CSMD3: variants seen among roughly 807,000 people sequenced by gnomAD.
CSMD3 encodes the protein CUB and sushi domain-containing protein 3.
In CSMD3, 177 loss-of-function variants were observed where a neutral mutation model predicts 435.2. The ratio of observed to expected loss-of-function variants is 0.41; its 90% CI spans 0.36 to 0.46. The LOEUF (loss-of-function observed/expected upper bound fraction) is 0.46. Ranked by LOEUF, CSMD3 falls within the 20% of genes least tolerant of loss-of-function variation. The pLI is 0.34. For synonymous variants in CSMD3, 1,656 were observed against 1,520.5 expected, an observed-to-expected ratio of 1.09 and a Z score of -2.07; for missense variants, 4,265 against 4,504.6, an observed-to-expected ratio of 0.95 and a Z score of 1.52.
chr8:112,712,879 T>A (rs998705537), intron 13 of CSMD3, among the ~76,000 whole-genome samples: 12 of 152,028 alleles, frequency 7.9e-5, no homozygotes, highest in African/African-American at 2.7e-4. Flanking sequence ...CAGACTTCCT[T>A]CAGGACACCC....
chr8:113,183,547 T>C (rs967358098), intron 3 of CSMD3, among the ~76,000 whole-genome samples: 1 of 152,074 alleles, frequency 6.6e-6, no homozygotes, highest in East Asian at 2.0e-4. Flanking sequence ...CTGCCTTCCA[T>C]CCTTAGACTA....
intron 30 of CSMD3, among the ~76,000 whole-genome samples, chr8:112,495,199 T>G (rs1821217221): frequency 1.3e-5 from 2 of 152,352 alleles, no homozygotes; most frequent in South Asian, 4.1e-4. Flanking sequence ...CGCAATGTAA[T>G]TTTTAGACAG....
At chr8:112,512,197 G>A (rs1005834124) in intron 28 of CSMD3, among the ~76,000 whole-genome samples, 4 of 152,128 alleles carry the variant, frequency 2.6e-5, no homozygotes, top group Admixed American at 6.5e-5. Context: ...ATCTAAAATT[G>A]TAAATTCTTT....
At chr8:113,414,571 T>G (rs1261291620) in intron 1 of CSMD3, among the ~76,000 whole-genome samples, 2 of 150,876 alleles carry the variant, frequency 1.3e-5, no homozygotes, top group African/African-American at 4.9e-5. Context: ...GTAATAAAAT[T>G]GAAATACTTA....
chr8:112,866,500 T>C (rs1447923113), intron 10 of CSMD3, among the ~76,000 whole-genome samples: 1 of 152,174 alleles, frequency 6.6e-6, no homozygotes, highest in African/African-American at 2.4e-5. Context: ...TTTAAACTGT[T>C]TGCTGACATA....
At chr8:112,938,782 T>C (rs577623280) in intron 9 of CSMD3, among the ~76,000 whole-genome samples, 4 of 152,022 alleles carry the variant, frequency 2.6e-5, no homozygotes, top group Non-Finnish European at 5.9e-5. Flanking sequence ...TTCCACTACA[T>C]TGAGGAAGAA....
intron 24 of CSMD3, among the ~76,000 whole-genome samples, chr8:112,565,264 T>C (rs187642404): frequency 3.3e-5 from 5 of 152,092 alleles, no homozygotes; most frequent in Non-Finnish European, 7.4e-5. Context: ...TAGAACCACA[T>C]GGAGGGGCTT....
At chr8:112,362,022 C>T (rs774751427) in intron 38 of CSMD3, among the ~76,000 whole-genome samples, 19 of 151,868 alleles carry the variant, frequency 1.3e-4, no homozygotes, top group Non-Finnish European at 2.2e-4. Flanking sequence ...TATCATTTCA[C>T]ATTCCACATC....
At chr8:112,522,476 A>G (rs1391792721) in intron 27 of CSMD3, among the ~76,000 whole-genome samples, 1 of 151,824 alleles carries the variant, frequency 6.6e-6, no homozygotes, top group Non-Finnish European at 1.5e-5. Context: ...TCCTTATCAA[A>G]TCTAGCTTTG....
chr8:113,222,995 C>T (rs1451337844), intron 3 of CSMD3, among the ~76,000 whole-genome samples: 2 of 150,850 alleles, frequency 1.3e-5, no homozygotes, highest in Non-Finnish European at 3.0e-5. Flanking sequence ...TCATGTTCCT[C>T]TTGTTTATTA....
intron 2 of CSMD3, among the ~76,000 whole-genome samples, chr8:113,281,301 T>C (rs2093611360): frequency 6.6e-6 from 1 of 151,896 alleles, no homozygotes; most frequent in Non-Finnish European, 1.5e-5. Context: ...TTGCTGTCTA[T>C]ATCATTTCTT....
intron 6 of CSMD3, among the ~76,000 whole-genome samples, chr8:113,011,873 G>A (rs2086267357): frequency 6.6e-6 from 1 of 151,566 alleles, no homozygotes; most frequent in Non-Finnish European, 1.5e-5. Context: ...TATTTTTGCT[G>A]TTTCTGTAGA....
At chr8:112,352,646 T>C (rs1826236783) in intron 38 of CSMD3, 112 bp from the exon 39 acceptor site, 4 of 919,678 alleles carry the variant, frequency 4.3e-6, no homozygotes, top group East Asian at 2.5e-5. Context: ...CTAGATACTA[T>C]ATTGAGACGT....
intron 4 of CSMD3, among the ~76,000 whole-genome samples, chr8:113,140,466 C>T (rs1257444423): frequency 6.6e-6 from 1 of 150,880 alleles, no homozygotes; most frequent in East Asian, 2.0e-4. Flanking sequence ...ACATTCTTTT[C>T]AAGTAACCAG....
chr8:112,510,085 T>C (rs1397285336), intron 28 of CSMD3, among the ~76,000 whole-genome samples: 2 of 152,162 alleles, frequency 1.3e-5, no homozygotes, highest in African/African-American at 2.4e-5. Context: ...ATCCAATCTA[T>C]CAAGAAGCCC....
chr8:112,829,611 TA>T, intron 12 of CSMD3, 74 bp downstream of exon 12: 1 of 832,894 alleles, frequency 1.2e-6, no homozygotes, highest in Non-Finnish European at 2.1e-6. Flanking sequence ...GCGATCAATG[TA>T]AAACAATAAT....
chr8:112,235,160 G>C (rs1241274000), intron 67 of CSMD3, among the ~76,000 whole-genome samples: 1 of 152,086 alleles, frequency 6.6e-6, no homozygotes, highest in Non-Finnish European at 1.5e-5. Flanking sequence ...GAATCCAAAA[G>C]TATGAGTTTA....
At chr8:112,264,765 T>G (rs546043407) in intron 60 of CSMD3, among the ~76,000 whole-genome samples, 1 of 152,226 alleles carries the variant, frequency 6.6e-6, no homozygotes, top group South Asian at 2.1e-4. Context: ...ACGAAAAATC[T>G]TAAATATTAA....
chr8:112,847,212 C>T (rs2080348424), intron 11 of CSMD3, among the ~76,000 whole-genome samples: 1 of 152,104 alleles, frequency 6.6e-6, no homozygotes, highest in Non-Finnish European at 1.5e-5. Flanking sequence ...TTGGATGCTT[C>T]TTGCCCTTTC....
Sources: allele counts gnomAD v4.1 joint callset (sites outside exome capture counted in the v4.1 genomes callset), GRCh38; gene constraint gnomAD v4.1.1; transcripts MANE v1.5; gene names NCBI Gene and HGNC (gene_info 2026-07-23, HGNC 2026-07-21).